The following ME1 variants were observed in gnomAD, a reference collection of about 807,000 sequenced individuals.
ME1 encodes malic enzyme 1, also known as NADP-dependent malic enzyme.
ME1 carries 74 observed loss-of-function variants against 66.4 expected under a neutral mutation model. The observed-to-expected ratio is 1.11, with a 90% confidence interval of 0.92 to 1.35. ME1 has a LOEUF of 1.35. Ranked by LOEUF, ME1 falls within the 40% of genes most tolerant of loss-of-function variation. ME1 has a pLI of 0.00. For synonymous variants in ME1, 251 were observed against 235.6 expected (o/e 1.07, Z -0.60); for missense variants, 750 against 694.1 (o/e 1.08, Z -0.90).
intron 6 of ME1, among the ~76,000 whole-genome samples, chr6:83,255,452 GT>G (rs1766748560): frequency 6.6e-6 from 1 of 151,012 alleles, no homozygotes; most frequent in Non-Finnish European, 1.5e-5. Flanking sequence ...TTTATTTATG[GT>G]TTCTCCTTTG....
intron 6 of ME1, among the ~76,000 whole-genome samples, chr6:83,285,991 T>G (rs1767389640): frequency 6.6e-6 from 1 of 152,234 alleles, no homozygotes; most frequent in Admixed American, 6.5e-5. Flanking sequence ...TATTTTCACA[T>G]TATACCAAAA....
intron 1 of ME1, among the ~76,000 whole-genome samples, chr6:83,429,311 G>T (rs34783351): frequency 0.31 from 46,957 of 151,838 alleles, 7,659 homozygotes; most frequent in Middle Eastern, 0.48. Flanking sequence ...CATAGTAAAG[G>T]CAATAATTAC....
chr6:83,410,714 A>G (rs748546985), intron 1 of ME1, among the ~76,000 whole-genome samples: 13 of 152,168 alleles, frequency 8.5e-5, no homozygotes, highest in African/African-American at 2.2e-4. Context: ...TAATCAAAAT[A>G]TCAATATTTT....
rs1562455316 is a variant in ME1 at position 83,237,292 on chromosome 6, G to GAAGGAAGA, written c.1026+424_1026+425insTCTTCCTT. Among the ~76,000 whole-genome samples, 122 of 48,046 alleles carry GAAGGAAGA rather than the reference G, an allele frequency of 2.5e-3. 10 individuals are homozygous for GAAGGAAGA. The highest frequency in any genetic ancestry group is 0.011 in the Middle Eastern group (1 of 90). The allele number at this position is 48,046 out of a possible 152,430, so 31.5% of individuals were successfully genotyped here. On this transcript the variant is annotated intron_variant, in intron 9 of 13. Coordinates refer to ENST00000369705, the MANE Select transcript of ME1 (RefSeq NM_002395.6). ...GAAAGAAAGAAAGGAAGGAAGGAAG[G>GAAGGAAGA]AAAGAAAGAAAAAGAAAGAAAGAAA...
At chr6:83,220,948 CA>C (rs969170675) in intron 12 of ME1, among the ~76,000 whole-genome samples, 2 of 152,112 alleles carry the variant, frequency 1.3e-5, no homozygotes, top group Non-Finnish European at 2.9e-5. Context: ...ATCACAAGGT[CA>C]AGAGATCGAG....
chr6:83,370,480 A>G (rs956342408), intron 3 of ME1, among the ~76,000 whole-genome samples: 1 of 152,144 alleles, frequency 6.6e-6, no homozygotes, highest in African/African-American at 2.4e-5. Context: ...TGAAATGAGG[A>G]TTGAAAAACA....
intron 13 of ME1, among the ~76,000 whole-genome samples, chr6:83,215,431 T>C (rs924102570): frequency 6.6e-6 from 1 of 152,204 alleles, no homozygotes; most frequent in Non-Finnish European, 1.5e-5. Context: ...AACGCTGAAG[T>C]AGAGAAACCC....
Position 83,411,874 on chromosome 6 carries a change from A to AGG in ME1, c.79-3974_79-3973insCC, listed in dbSNP as rs1279204253. Among the ~76,000 whole-genome samples, 29 of 152,186 alleles carry AGG rather than the reference A, an allele frequency of 1.9e-4. 1 individual carries two copies. The highest frequency in any genetic ancestry group is 6.0e-4 in the African/African-American group (25 of 41,528). ...CTTTTCTTTGCTTTCCCTATTCCTT[A>AGG]TAAAACCTTTGGACTAGATCCCTAG... On this transcript the variant is annotated intron_variant, in intron 1 of 13. Coordinates refer to ENST00000369705, the MANE Select transcript of ME1 (RefSeq NM_002395.6).
At chr6:83,280,845 C>T (rs1047011319) in intron 6 of ME1, among the ~76,000 whole-genome samples, 1 of 152,158 alleles carries the variant, frequency 6.6e-6, no homozygotes, top group Admixed American at 6.5e-5. Flanking sequence ...TTTGTATCTG[C>T]AGTGCCTAGA....
intron 3 of ME1, among the ~76,000 whole-genome samples, chr6:83,357,899 T>TC (rs1365576040): frequency 1.6e-5 from 1 of 62,220 alleles, no homozygotes; most frequent in East Asian, 5.5e-4. Flanking sequence ...CTTAATAAAC[T>TC]CCCCTCTCTC....
intron 13 of ME1, among the ~76,000 whole-genome samples, chr6:83,212,450 C>T (rs1789910630): frequency 6.6e-6 from 1 of 152,110 alleles, no homozygotes; most frequent in Non-Finnish European, 1.5e-5. Context: ...AAACTTGAAC[C>T]TTGAATTTTC....
intron 11 of ME1, among the ~76,000 whole-genome samples, chr6:83,225,645 T>C (rs1790183173): frequency 6.6e-6 from 1 of 152,094 alleles, no homozygotes; most frequent in Non-Finnish European, 1.5e-5. Context: ...TAAGACACTG[T>C]TATGTTTTGC....
chr6:83,247,999 A>G (rs1790655736), intron 7 of ME1, among the ~76,000 whole-genome samples: 2 of 152,118 alleles, frequency 1.3e-5, no homozygotes, highest in South Asian at 4.1e-4. Flanking sequence ...CTTGGGGGGC[A>G]TATTATGCTG....
At chr6:83,422,734 T>C (rs1483292160) in intron 1 of ME1, among the ~76,000 whole-genome samples, 1 of 152,064 alleles carries the variant, frequency 6.6e-6, no homozygotes, top group East Asian at 1.9e-4. Flanking sequence ...AGAATTGAGA[T>C]GAGAGTAGAA....
At chr6:83,261,976 C>T (rs1356497154) in intron 6 of ME1, among the ~76,000 whole-genome samples, 5 of 143,918 alleles carry the variant, frequency 3.5e-5, no homozygotes, top group East Asian at 2.0e-4. Context: ...ATTGCACCAC[C>T]GCACTCCAGC....
At chr6:83,290,201 T>C (rs539927579) in intron 6 of ME1, among the ~76,000 whole-genome samples, 1 of 152,292 alleles carries the variant, frequency 6.6e-6, no homozygotes, top group Admixed American at 6.5e-5. Flanking sequence ...GCTTCTCTAG[T>C]TCTTTTAATT....
At chr6:83,326,812 T>C (rs1037222388) in intron 5 of ME1, among the ~76,000 whole-genome samples, 3 of 152,160 alleles carry the variant, frequency 2.0e-5, no homozygotes, top group South Asian at 2.1e-4. Context: ...TCAACCACTA[T>C]GGAAGACAGT....
chr6:83,423,018 CAAG>C (rs769083513), intron 1 of ME1, among the ~76,000 whole-genome samples: 2 of 152,022 alleles, frequency 1.3e-5, no homozygotes, highest in Admixed American at 6.6e-5. Flanking sequence ...CAGAAAACCC[CAAG>C]AAGATAAACC....
intron 6 of ME1, among the ~76,000 whole-genome samples, chr6:83,254,340 G>A (rs1196848293): frequency 1.3e-5 from 2 of 152,108 alleles, no homozygotes; most frequent in African/African-American, 4.8e-5. Context: ...CTCCCGTCTA[G>A]CTTCATGGGT....
Sources: gnomAD v4.1 joint callset for allele counts (sites outside exome capture counted in the v4.1 genomes callset) on GRCh38, gnomAD v4.1.1 for gene constraint, MANE v1.5 for transcripts, NCBI Gene and HGNC (gene_info 2026-07-23, HGNC 2026-07-21) for gene names.